Variants in ARHGEF28 observed in about 807,000 individuals in gnomAD.
ARHGEF28 encodes Rho guanine nucleotide exchange factor 28.
Under a neutral mutation model 206.6 loss-of-function variants are expected in ARHGEF28, and 152 were observed. That is an observed-to-expected ratio of 0.74 (90% CI 0.64 to 0.84). The LOEUF (loss-of-function observed/expected upper bound fraction) is 0.84. Among genes scored for constraint, ARHGEF28 ranks in the 40% least tolerant of loss-of-function variants. ARHGEF28 has a pLI of 0.00. For missense variants in ARHGEF28, 2,028 were observed against 2,073.2 expected (o/e 0.98, Z 0.42); for synonymous variants, 763 against 776.4 (o/e 0.98, Z 0.29).
At chr5:73,633,570 A>ATTTTTTTTTTTT (rs764440038) in intron 1 of ARHGEF28, among the ~76,000 whole-genome samples, 1 of 101,060 alleles carries the variant, frequency 9.9e-6, no homozygotes, top group Non-Finnish European at 1.9e-5. Context: ...AATACCTTTA[A>ATTTTTTTTTTTT]TTTTTTTTTT....
Position 73,773,743 on chromosome 5 carries a change from T to C in ARHGEF28, c.476-112T>C, listed in dbSNP as rs192299422. 1.0e-4 allele frequency: 113 copies of C among 1,114,394 alleles called. 1 individual carries two copies. In the East Asian group the frequency reaches 2.7e-3, roughly 26 times the overall value. The allele number at this position is 1,114,394 out of a possible 1,614,324, so 69.0% of individuals were successfully genotyped here. A position where few individuals can be genotyped will look rare whatever the true frequency, so the allele number is the denominator to read the frequency against. ...GTGATTGGGTGCCATTGTTAATTTC[T>C]TCCAACTCTGACATTCTTATTATGT... On this transcript the variant is annotated intron_variant, in intron 4 of 35. Coordinates refer to ENST00000513042, the MANE Select transcript of ARHGEF28 (RefSeq NM_001177693.2).
At chr5:73,656,376 C>A (rs1300353337) in intron 1 of ARHGEF28, among the ~76,000 whole-genome samples, 1 of 152,224 alleles carries the variant, frequency 6.6e-6, no homozygotes, top group Non-Finnish European at 1.5e-5. Flanking sequence ...TTTCCCAAAT[C>A]TGTACCATCT....
chr5:73,931,594 C>G (rs1481175327), intron 35 of ARHGEF28, among the ~76,000 whole-genome samples: 1 of 151,902 alleles, frequency 6.6e-6, no homozygotes, highest in African/African-American at 2.4e-5. Flanking sequence ...CCTACTATTC[C>G]ATTGATTGTT....
rs1752110163 is a variant in ARHGEF28, at chr5:73,753,138, G to A, written c.411G>A (p.Val137=). ...GALPALDEEL[V]LALTHLELPL... is the part of the protein sequence containing the mutation. The stretch of plus-strand genomic sequence containing the variant: ...TGCCTGCCTTGGATGAGGAGCTCGT[G>A]CTGGCTCTGACCCATCTGGAATTGC... The change falls in exon 4 of 36, where the codon GTG becomes GTA. Residue 137 remains valine (V), a synonymous_variant. Transcript: ENST00000513042. The A allele has an allele frequency of 1.3e-6, 2 of 1,574,700 alleles. No homozygotes were observed. The highest frequency in any genetic ancestry group is 1.7e-6 in the Non-Finnish European group (2 of 1,160,778).
intron 4 of ARHGEF28, among the ~76,000 whole-genome samples, chr5:73,758,842 C>T (rs910717699): frequency 6.6e-6 from 1 of 152,178 alleles, no homozygotes; most frequent in African/African-American, 2.4e-5. Context: ...TGTAAAGGTA[C>T]TAGCATGAAT....
intron 2 of ARHGEF28, among the ~76,000 whole-genome samples, chr5:73,694,240 G>A (rs181867380): frequency 2.5e-3 from 377 of 152,300 alleles, no homozygotes; most frequent in Non-Finnish European, 4.1e-3. Flanking sequence ...AGGCCCAAAG[G>A]TGAATATACA....
At chr5:73,659,528 CAA>C (rs35192318) in intron 1 of ARHGEF28, among the ~76,000 whole-genome samples, 95 of 127,054 alleles carry the variant, frequency 7.5e-4, no homozygotes, top group Non-Finnish European at 9.9e-4. Context: ...GACTCCGTCT[CAA>C]AAAAAAAAAA....
At chr5:73,689,308 C>T (rs576819129) in intron 2 of ARHGEF28, among the ~76,000 whole-genome samples, 1 of 152,112 alleles carries the variant, frequency 6.6e-6, no homozygotes, top group Non-Finnish European at 1.5e-5. Flanking sequence ...TATTCCTGAA[C>T]TCAGCCACAG....
At position 73,676,411 on chromosome 5, in the gene ARHGEF28, A is replaced by G. The variant is rs529526371; in HGVS notation, c.-11-8430A>G. Reference sequence around the variant, plus strand: ...CCACCACACCCAGCTAATTTTTTGTATTATTTTAGTAGAGATGGGGCTTCG... The same window carrying G: ...CCACCACACCCAGCTAATTTTTTGTGTTATTTTAGTAGAGATGGGGCTTCG... On this transcript the variant is annotated intron_variant, in intron 1 of 35. Coordinates refer to ENST00000513042, the MANE Select transcript of ARHGEF28 (RefSeq NM_001177693.2). Among the ~76,000 whole-genome samples, 23 of 151,948 alleles carry G rather than the reference A, an allele frequency of 1.5e-4. No individual in the cohort carries two copies. The South Asian group carries it at 3.7e-3, about 25-fold the overall frequency.
intron 2 of ARHGEF28, among the ~76,000 whole-genome samples, chr5:73,700,320 G>T (rs1156345353): frequency 6.6e-6 from 1 of 152,128 alleles, no homozygotes; most frequent in African/African-American, 2.4e-5. Context: ...CAAACTCCTG[G>T]AGTGGGGGTG....
intron 1 of ARHGEF28, among the ~76,000 whole-genome samples, chr5:73,649,820 C>A (rs191157720): frequency 6.6e-6 from 1 of 152,106 alleles, no homozygotes; most frequent in Non-Finnish European, 1.5e-5. Flanking sequence ...AGAGAAAAGA[C>A]GGGCTGGCAC....
At chr5:73,779,973 G>T (rs1753742651) in intron 6 of ARHGEF28, among the ~76,000 whole-genome samples, 1 of 152,204 alleles carries the variant, frequency 6.6e-6, no homozygotes, top group Admixed American at 6.5e-5. Context: ...TCAGTTATGT[G>T]ATTACCTGCC....
intron 2 of ARHGEF28, among the ~76,000 whole-genome samples, chr5:73,704,962 A>C (rs954922391): frequency 4.6e-5 from 7 of 152,158 alleles, no homozygotes; most frequent in African/African-American, 1.7e-4. Flanking sequence ...GTCAATCTTT[A>C]ACAGAGACAG....
chr5:73,626,600 C>T (rs1248126099), intron 1 of ARHGEF28, among the ~76,000 whole-genome samples: 2 of 152,052 alleles, frequency 1.3e-5, no homozygotes, highest in South Asian at 2.1e-4. Context: ...CACTGAGAGC[C>T]GGGGGCTGGG....
intron 3 of ARHGEF28, among the ~76,000 whole-genome samples, chr5:73,750,774 G>A (rs1751979899): frequency 6.6e-6 from 1 of 152,022 alleles, no homozygotes; most frequent in African/African-American, 2.4e-5. Flanking sequence ...TTTATTGATT[G>A]GTTGGTTTTT....
intron 4 of ARHGEF28, among the ~76,000 whole-genome samples, chr5:73,762,741 A>C (rs1752675573): frequency 6.6e-6 from 1 of 152,018 alleles, no homozygotes; most frequent in African/African-American, 2.4e-5. Flanking sequence ...AGTACATGAG[A>C]TATATCACTG....
chr5:73,825,371 C>T (rs570868759), intron 9 of ARHGEF28, among the ~76,000 whole-genome samples: 3 of 152,250 alleles, frequency 2.0e-5, no homozygotes, highest in Admixed American at 2.0e-4. Context: ...GGTGGAGCAG[C>T]AAGTGCAAGT....
At chr5:73,738,517 G>GTA (rs887078155) in intron 2 of ARHGEF28, among the ~76,000 whole-genome samples, 2 of 144,646 alleles carry the variant, frequency 1.4e-5, no homozygotes, top group African/African-American at 2.5e-5. Flanking sequence ...GTGTGTGTGT[G>GTA]TATGTATGTG....
chr5:73,702,244 C>T (rs998366310), intron 2 of ARHGEF28, among the ~76,000 whole-genome samples: 7 of 152,200 alleles, frequency 4.6e-5, no homozygotes, highest in East Asian at 1.9e-4. Flanking sequence ...TGGTATAGAT[C>T]GTTTTTCTTT....
Sources: gnomAD v4.1 joint callset for allele counts (sites outside exome capture counted in the v4.1 genomes callset) on GRCh38, gnomAD v4.1.1 for gene constraint, MANE v1.5 for transcripts, NCBI Gene and HGNC (gene_info 2026-07-23, HGNC 2026-07-21) for gene names.